Variants in MCU observed in about 807,000 individuals in gnomAD.
The protein encoded by MCU is mitochondrial calcium uniporter.
MCU carries 12 observed loss-of-function variants against 45.2 expected under a neutral mutation model. The ratio of observed to expected loss-of-function variants is 0.27; its 90% CI spans 0.17 to 0.43. MCU has a LOEUF of 0.43. Ranked by LOEUF, MCU falls within the 20% of genes least tolerant of loss-of-function variation. MCU has a pLI of 1.00. For missense variants in MCU, 324 were observed against 436.7 expected, an observed-to-expected ratio of 0.74 and a Z score of 2.30; for synonymous variants, 160 against 165.1, an observed-to-expected ratio of 0.97 and a Z score of 0.24.
chr10:72,843,092 A>G (rs1054992436), intron 2 of MCU, among the ~76,000 whole-genome samples: 2 of 152,172 alleles, frequency 1.3e-5, no homozygotes, highest in Non-Finnish European at 2.9e-5. Flanking sequence ...AAATCCTTGC[A>G]TAGTCTCCCC....
intron 1 of MCU, among the ~76,000 whole-genome samples, chr10:72,817,077 G>A (rs1371230599): frequency 1.3e-5 from 2 of 152,090 alleles, no homozygotes; most frequent in Non-Finnish European, 2.9e-5. Context: ...AATCATGTTT[G>A]GTTGGTAGTT....
intron 2 of MCU, among the ~76,000 whole-genome samples, chr10:72,844,754 GT>G (rs2132849060): frequency 6.6e-6 from 1 of 152,212 alleles, no homozygotes; most frequent in Admixed American, 6.5e-5. Context: ...AGGAATATAA[GT>G]GATTGTTAAA....
chr10:72,754,102 C>A (rs888998435), intron 1 of MCU, among the ~76,000 whole-genome samples: 2 of 152,122 alleles, frequency 1.3e-5, no homozygotes, highest in East Asian at 3.9e-4. Context: ...AAAGTTACCC[C>A]CTGTGGTGAA....
chr10:72,787,605 C>T lies in MCU; in HGVS notation c.151-46754C>T, dbSNP rs780909884. ...GTTTACCTCTCATTTGGCATTTAAG[C>T]GTTGTTATAAACCAATATATGTCTA... On this transcript the variant is annotated intron_variant, in intron 1 of 7. Coordinates refer to ENST00000373053, the MANE Select transcript of MCU (RefSeq NM_138357.3). 3.9e-5 allele frequency among the ~76,000 whole-genome samples: 6 copies of T among 152,184 alleles called. No individual in the cohort carries two copies. In the South Asian group the frequency reaches 6.2e-4, roughly 16 times the overall value.
chr10:72,737,521 C>G (rs1589438129), intron 1 of MCU, among the ~76,000 whole-genome samples: 1 of 136,452 alleles, frequency 7.3e-6, no homozygotes. Flanking sequence ...TTTTTCTTTC[C>G]TTTTTTTTTT....
At chr10:72,746,191 G>A (rs899820386) in intron 1 of MCU, among the ~76,000 whole-genome samples, 5 of 151,980 alleles carry the variant, frequency 3.3e-5, no homozygotes, top group South Asian at 2.1e-4. Context: ...TATAGTATTC[G>A]AATATAAGAC....
At chr10:72,853,566 G>A (rs1845241207) in intron 2 of MCU, among the ~76,000 whole-genome samples, 1 of 152,146 alleles carries the variant, frequency 6.6e-6, no homozygotes, top group African/African-American at 2.4e-5. Context: ...AAGGGTAGCA[G>A]ACAGAAAAAA....
At chr10:72,750,875 A>G (rs1459681645) in intron 1 of MCU, among the ~76,000 whole-genome samples, 1 of 152,248 alleles carries the variant, frequency 6.6e-6, no homozygotes, top group South Asian at 2.1e-4. Context: ...AATGAAATCA[A>G]ATAGTTTATA....
intron 2 of MCU, among the ~76,000 whole-genome samples, chr10:72,844,244 G>A (rs1845087351): frequency 6.6e-6 from 1 of 152,106 alleles, no homozygotes; most frequent in African/African-American, 2.4e-5. Context: ...AAAATTAGCT[G>A]GGTGTGGTGG....
Position 72,707,647 on chromosome 10 carries a change from G to GTGTGTGTGTGTGTGTGTA in MCU, c.150+15347_150+15348insGTGTGTGTGTGTGTGTAT, listed in dbSNP as rs71021526. ...TGTGTGTGTGTGTGTGTGTGTGTGT[G>GTGTGTGTGTGTGTGTGTA]TTTCCCACCAAAACAAAAGTAATTG... On this transcript the variant is annotated intron_variant, in intron 1 of 7. Transcript: ENST00000373053. 2.5e-3 allele frequency among the ~76,000 whole-genome samples: 367 copies of GTGTGTGTGTGTGTGTGTA among 147,006 alleles called. 11 individuals carry two copies. Among genetic ancestry groups the GTGTGTGTGTGTGTGTGTA allele is most frequent in the African/African-American group, 8.2e-3 (316 of 38,306 alleles).
At chr10:72,843,481 T>C (rs147305101) in intron 2 of MCU, among the ~76,000 whole-genome samples, 105 of 152,358 alleles carry the variant, frequency 6.9e-4, no homozygotes, top group African/African-American at 2.5e-3. Flanking sequence ...TTTTATGGCT[T>C]GATAGCTCAT....
chr10:72,862,465 G>T (rs893288156), intron 4 of MCU, among the ~76,000 whole-genome samples: 1 of 152,172 alleles, frequency 6.6e-6, no homozygotes, highest in Non-Finnish European at 1.5e-5. Flanking sequence ...GGGGGCGGGG[G>T]CAGAGGCAGT....
intron 1 of MCU, among the ~76,000 whole-genome samples, chr10:72,761,784 T>C (rs1240710450): frequency 6.6e-6 from 1 of 152,190 alleles, no homozygotes; most frequent in Admixed American, 6.6e-5. Flanking sequence ...GAGATTTTAG[T>C]GTACCAATTA....
At chr10:72,796,639 G>A (rs549403147) in intron 1 of MCU, among the ~76,000 whole-genome samples, 3 of 151,464 alleles carry the variant, frequency 2.0e-5, no homozygotes, top group African/African-American at 4.8e-5. Context: ...TCAGCCTGCC[G>A]AGTAGGTAGT....
intron 1 of MCU, among the ~76,000 whole-genome samples, chr10:72,759,569 TTTAAA>T (rs779484364): frequency 2.0e-5 from 3 of 152,112 alleles, no homozygotes; most frequent in Non-Finnish European, 4.4e-5. Context: ...TAGCATGAAG[TTTAAA>T]TTAAGTCTAT....
intron 1 of MCU, among the ~76,000 whole-genome samples, chr10:72,761,314 CA>C (rs560999868): frequency 7.5e-4 from 115 of 152,324 alleles, no homozygotes; most frequent in Non-Finnish European, 1.3e-3. Flanking sequence ...AATGAGCCTA[CA>C]TTTGTAATCT....
At chr10:72,715,616 A>G (rs1842947321) in intron 1 of MCU, among the ~76,000 whole-genome samples, 1 of 152,218 alleles carries the variant, frequency 6.6e-6, no homozygotes, top group Admixed American at 6.5e-5. Flanking sequence ...GAAACAGGGC[A>G]GCTCTCCTAG....
At chr10:72,696,161 CAAAAA>C (rs58694098) in intron 1 of MCU, among the ~76,000 whole-genome samples, 2 of 30,648 alleles carry the variant, frequency 6.5e-5, no homozygotes, top group East Asian at 2.4e-3. Flanking sequence ...AACTCCGACT[CAAAAA>C]AAAAAAAAAA....
At chr10:72,856,232 T>C (rs1372077646) in intron 2 of MCU, among the ~76,000 whole-genome samples, 1 of 152,192 alleles carries the variant, frequency 6.6e-6, no homozygotes, top group African/African-American at 2.4e-5. Flanking sequence ...ATCAGATCAA[T>C]GGTTACCCAG....
Sources: allele counts gnomAD v4.1 joint callset (sites outside exome capture counted in the v4.1 genomes callset), GRCh38; gene constraint gnomAD v4.1.1; transcripts MANE v1.5; gene names NCBI Gene and HGNC (gene_info 2026-07-23, HGNC 2026-07-21).